ZFHX2: variants seen among roughly 807,000 people sequenced by gnomAD.
ZFHX2 encodes zinc finger homeobox protein 2.
In ZFHX2, 75 loss-of-function variants were observed where a neutral mutation model predicts 164.8. The ratio of observed to expected loss-of-function variants is 0.46; its 90% CI spans 0.38 to 0.55. The LOEUF is 0.55. ZFHX2 is among the 20% of genes least tolerant of loss of function. The pLI, the probability that ZFHX2 is intolerant of heterozygous loss-of-function variation, is 0.00. For synonymous variants in ZFHX2, 1,217 were observed against 1,351.4 expected, an observed-to-expected ratio of 0.90 and a Z score of 2.18; for missense variants, 2,933 against 3,308.0, an observed-to-expected ratio of 0.89 and a Z score of 2.78.
intron 3 of ZFHX2, 140 bp downstream of exon 3, chr14:23,532,427 A>G (rs973200065): frequency 2.9e-6 from 3 of 1,044,276 alleles, no homozygotes; most frequent in South Asian, 4.5e-5. Flanking sequence ...ACCCTGGTAC[A>G]TATGTCATTA....
chr14:23,524,171 A>AC lies in ZFHX2; in HGVS notation c.5770dup (p.Val1924GlyfsTer3), dbSNP rs748108531. On this transcript the variant is annotated frameshift_variant, in exon 9 of 10. Coordinates refer to ENST00000419474, the MANE Select transcript of ZFHX2 (RefSeq NM_033400.3). LOFTEE classifies it high-confidence loss of function. The surrounding 1 kb of genome is among the most constrained non-coding windows in gnomAD (Gnocchi z 5.6). ...AGGCGGTTTCACTGCTGGACTAGGC[A>AC]CCCCCCCAGGGGTGCTTCGAAACTG... 3.3e-6 allele frequency: 5 copies of AC among 1,533,900 alleles called. No individual in the cohort carries two copies. Among genetic ancestry groups the AC allele is most frequent in the Non-Finnish European group, 3.5e-6 (4 of 1,146,368 alleles).
Position 23,524,211 on chromosome 14 carries a change from G to A in ZFHX2, c.5731C>T (p.Arg1911Trp), listed in dbSNP as rs796257096. The A allele has an allele frequency of 1.3e-6, 2 of 1,536,410 alleles. No individual in the cohort carries two copies. Among genetic ancestry groups the A allele is most frequent in the African/African-American group, 1.4e-5 (1 of 73,124 alleles). Residue 1911 changes from arginine (R) to tryptophan (W), a missense_variant, in exon 9 of 10, where the codon CGG becomes TGG. By Grantham distance (101) the Arg-to-Trp change is moderately radical. Coordinates refer to ENST00000419474, the MANE Select transcript of ZFHX2 (RefSeq NM_033400.3). The surrounding 1 kb of genome is among the most constrained non-coding windows in gnomAD (Gnocchi z 5.6). ...VQVWFQNTRA[R>W]ERKGQFRSTP... The stretch of plus-strand genomic sequence containing the variant: ...CTTCGAAACTGGCCTTTCCTCTCCC[G>A]GGCCCTGGTATTCTGGAACCAGACC...
In ZFHX2 at chr14:23,524,133, G is replaced by C. The variant is rs1440811595; in HGVS notation, c.5809C>G (p.Pro1937Ala). Residue 1937 changes from proline (P) to alanine (A), a missense_variant, in exon 9 of 10, where the codon CCT becomes GCT. Transcript: ENST00000419474. The surrounding 1 kb of genome is among the most constrained non-coding windows in gnomAD (Gnocchi z 5.6). ...PAVKPPATAT[P>A]ASLPKFNLLL... is the part of the protein sequence containing the mutation. ...AGGTTGAACTTGGGCAAGGATGCAG[G>C]GGTGGCTGTGGCAGGCGGTTTCACT... The C allele has an allele frequency of 8.5e-6, 13 of 1,535,892 alleles. No homozygotes were observed. The highest frequency in any genetic ancestry group is 1.1e-5 in the Non-Finnish European group (13 of 1,146,834).
Position 23,531,688 on chromosome 14 carries a change from C to A in ZFHX2, c.2593G>T (p.Ala865Ser). 2 of 1,395,204 alleles carry A rather than the reference C, an allele frequency of 1.4e-6. No homozygotes were observed. Among genetic ancestry groups the A allele is most frequent in the Non-Finnish European group, 9.4e-7 (1 of 1,069,476 alleles). 86.4% of individuals were successfully genotyped at this position (1,395,204 alleles called of 1,614,324 possible). Residue 865 changes from alanine to serine, a missense_variant, in exon 4 of 10, where the codon GCA (alanine) becomes TCA (serine). Coordinates refer to ENST00000419474, the MANE Select transcript of ZFHX2 (RefSeq NM_033400.3). ...LLDMEGAEAG[A>S]ELGLYHCLLC... ...AGGCAGTGGTATAGCCCCAGCTCTG[C>A]CCCTGCCTCCGCTCCCTCCATGTCC... is the stretch of plus-strand genomic sequence containing the variant.
At chr14:23,544,051 A>C (rs980118944) in intron 1 of ZFHX2, 8 of 152,172 alleles carry the variant, frequency 5.3e-5, no homozygotes, top group African/African-American at 1.9e-4. Flanking sequence ...CAGGAGCTTG[A>C]GACCAGCCTG....
chr14:23,551,756 A>G lies in ZFHX2; in HGVS notation c.-463T>C, dbSNP rs2138951954. 1 of 152,846 alleles carries G rather than the reference A, an allele frequency of 6.5e-6. No individual in the cohort carries two copies. Among genetic ancestry groups the G allele is most frequent in the South Asian group, 1.8e-4 (1 of 5,422 alleles). The allele number at this position is 152,846 out of a possible 1,614,324, so 9.5% of individuals were successfully genotyped here. Reference sequence around the variant, plus strand: ...ACTGGCTGGAGTCTAGGCGTCCCACACAATGGAATAATCAATACCCAGGCG... The same window carrying G: ...ACTGGCTGGAGTCTAGGCGTCCCACGCAATGGAATAATCAATACCCAGGCG... On this transcript the variant is annotated 5_prime_UTR_variant, in exon 1 of 10. Transcript: ENST00000419474. The surrounding 1 kb of genome is among the most constrained non-coding windows in gnomAD (Gnocchi z 5.3).
Position 23,534,629 on chromosome 14 carries a change from C to T in ZFHX2, c.697G>A (p.Val233Met), listed in dbSNP as rs765976043. The change falls in exon 2 of 10, where the codon GTG (valine) becomes ATG (methionine). Residue 233 changes from valine to methionine, a missense_variant. Physicochemically the swap from Val to Met is conservative, Grantham distance 21. Coordinates refer to ENST00000419474, the MANE Select transcript of ZFHX2 (RefSeq NM_033400.3). The surrounding 1 kb of genome is among the most constrained non-coding windows in gnomAD (Gnocchi z 4.5). ...GPMGNSGGNH[V>M]AVFWLCLLCR... ...AGAAGGCAGAGCCAGAAGACCGCCA[C>T]GTGGTTGCCCCCGCTGTTCCCCATG... The T allele has an allele frequency of 2.3e-5, 35 of 1,536,064 alleles. No individual in the cohort carries two copies. The highest frequency in any genetic ancestry group is 2.6e-5 in the Non-Finnish European group (30 of 1,146,926).
upstream of ZFHX2, among the ~76,000 whole-genome samples, chr14:23,554,549 AT>A (rs35367737): frequency 0.24 from 32,645 of 135,602 alleles, 5,155 homozygotes; most frequent in African/African-American, 0.51. Context: ...GCTAATTAAA[AT>A]TTTTTTTTTT....
In ZFHX2 at chr14:23,526,247, C is replaced by G. The variant is rs746242388; in HGVS notation, c.3695G>C (p.Gly1232Ala). 7.2e-6 allele frequency: 11 copies of G among 1,536,304 alleles called. No individual in the cohort carries two copies. The highest frequency in any genetic ancestry group is 2.0e-5 in the Admixed American group (1 of 51,000). ...AAIDPSAPAR[G>A]EAGAPPTTTA... is the part of the protein sequence containing the mutation. ...GGTGGTGGGTGGGGCACCGGCCTCT[C>G]CCCGTGCAGGGGCAGAGGGGTCAAT... The change falls in exon 9 of 10, where the codon GGA becomes GCA. Residue 1232 changes from glycine (G) to alanine (A), a missense_variant. Gly to Ala is a moderately conservative substitution (Grantham distance 60, BLOSUM62 0). Coordinates refer to ENST00000419474, the MANE Select transcript of ZFHX2 (RefSeq NM_033400.3).
chr14:23,526,836 C>G lies in ZFHX2; in HGVS notation c.3262+11G>C. 1 of 1,525,662 alleles carries G rather than the reference C, an allele frequency of 6.6e-7. No individual in the cohort carries two copies. Among genetic ancestry groups the G allele is most frequent in the South Asian group, 1.2e-5 (1 of 82,256 alleles). 94.5% of individuals were successfully genotyped at this position (1,525,662 alleles called of 1,614,324 possible). On this transcript the variant is annotated intron_variant, in intron 8 of 9. Coordinates refer to ENST00000419474, the MANE Select transcript of ZFHX2 (RefSeq NM_033400.3). ...CTGGTACCTTGGGAGGTTTGCTGTT[C>G]CATTCCTTACCTGCTGCCTGGTCTC... is the stretch of plus-strand genomic sequence containing the variant.
In ZFHX2 at chr14:23,524,945, G is replaced by T; in HGVS notation, c.4997C>A (p.Thr1666Asn). 1 of 1,536,300 alleles carries T rather than the reference G, an allele frequency of 6.5e-7. No individual in the cohort carries two copies. Among genetic ancestry groups the T allele is most frequent in the East Asian group, 2.4e-5 (1 of 40,914 alleles). The change falls in exon 9 of 10, where the codon ACT becomes AAT. Residue 1666 changes from threonine to asparagine, a missense_variant. Transcript: ENST00000419474. The surrounding 1 kb of genome is among the most constrained non-coding windows in gnomAD (Gnocchi z 5.6). ...ACGCCTGCAGCCGGAGGCTCCCCCA[G>T]TGCCTCCTCCGGTTGGCATGGACCC... is the stretch of plus-strand genomic sequence containing the variant. ...EGGSMPTGGG[T>N]GGASGCRRCH...
At chr14:23,553,321 C>G (rs933829492), upstream of ZFHX2, among the ~76,000 whole-genome samples, 10 of 152,184 alleles carry the variant, frequency 6.6e-5, no homozygotes, top group Non-Finnish European at 1.3e-4. Flanking sequence ...AGAGGCTGGC[C>G]GGGCATGGTG....
At position 23,526,928 on chromosome 14, in the gene ZFHX2, G is replaced by A. The variant is rs1396575528; in HGVS notation, c.3181C>T (p.Pro1061Ser). The change falls in exon 8 of 10, where the codon CCC becomes TCC. Residue 1061 changes from proline (P) to serine (S), a missense_variant. Transcript: ENST00000419474. ...CCATTGTCCAGAGGGCTTAATGTGG[G>A]TGCAGACAGCACTTTGGTTGTAAAT... ...MTFTTKVLSAPTLSPLDNGQE... is the reference protein window; with the variant it reads ...MTFTTKVLSASTLSPLDNGQE... The A allele has an allele frequency of 6.5e-7, 1 of 1,533,482 alleles. No homozygotes were observed. Among genetic ancestry groups the A allele is most frequent in the Non-Finnish European group, 8.7e-7 (1 of 1,145,898 alleles). 95.0% of individuals were successfully genotyped at this position (1,533,482 alleles called of 1,614,324 possible). A position where few individuals can be genotyped will look rare whatever the true frequency, so the allele number is the denominator to read the frequency against.
chr14:23,527,117 A>T, intron 7 of ZFHX2, 144 bp from the exon 8 acceptor site: 2 of 1,274,526 alleles, frequency 1.6e-6, no homozygotes, highest in Non-Finnish European at 2.0e-6. Flanking sequence ...CTCCCACCTA[A>T]TTGCTGCTTT....
rs1299612971 is a variant in ZFHX2 at position 23,551,031 on chromosome 14, G to T, written c.-50+312C>A. ...TCCGTCTAGGCTTTCCATACCCTTC[G>T]TCTGTCCGGCGGGCCTCTGCCTTTC... On this transcript the variant is annotated intron_variant, in intron 1 of 9. Coordinates refer to ENST00000419474, the MANE Select transcript of ZFHX2 (RefSeq NM_033400.3). This position sits in a 1 kb window ranked among gnomAD's most constrained non-coding sequence, Gnocchi z 5.3. Among the ~76,000 whole-genome samples the T allele has an allele frequency of 2.6e-5, 4 of 151,496 alleles. No individual in the cohort carries two copies. The East Asian group carries it at 5.8e-4, about 22-fold the overall frequency.
Position 23,529,773 on chromosome 14 carries a change from G to A in ZFHX2, c.2876-5C>T. ...TGTTTTCTGTCTCTTCTGAAGCTGA[G>A]GATGAAAGAAGAGGAGATTAAGGAA... is the stretch of plus-strand genomic sequence containing the variant. On this transcript the variant is annotated splice_region_variant and splice_polypyrimidine_tract_variant and intron_variant, in intron 5 of 9. Coordinates refer to ENST00000419474, the MANE Select transcript of ZFHX2 (RefSeq NM_033400.3). 6.5e-7 allele frequency: 1 copy of A among 1,536,230 alleles called. No individual in the cohort carries two copies. Among genetic ancestry groups the A allele is most frequent in the Non-Finnish European group, 8.7e-7 (1 of 1,146,800 alleles).
Position 23,534,175 on chromosome 14 carries a change from C to G in ZFHX2, c.1151G>C (p.Gly384Ala), listed in dbSNP as rs556386580. The stretch of plus-strand genomic sequence containing the variant: ...GCTTTGGTTGAGTGGGGGGCAGAGC[C>G]CTCCATCCTCTTCTTGCCCCTCAGG... ...WFPEGQEEDG[G>A]LCPPLNQSSP... Residue 384 changes from glycine to alanine, a missense_variant, in exon 2 of 10, where the codon GGG becomes GCG. Transcript: ENST00000419474. The surrounding 1 kb of genome is among the most constrained non-coding windows in gnomAD (Gnocchi z 4.5). The G allele has an allele frequency of 9.5e-6, 14 of 1,474,940 alleles. No individual in the cohort carries two copies. The East Asian group carries it at 3.0e-4, about 31-fold the overall frequency. 91.4% of individuals were successfully genotyped at this position (1,474,940 alleles called of 1,614,324 possible). A position where few individuals can be genotyped will look rare whatever the true frequency, so the allele number is the denominator to read the frequency against.
intron 1 of ZFHX2, among the ~76,000 whole-genome samples, chr14:23,541,552 G>A (rs1880819799): frequency 6.6e-6 from 1 of 152,136 alleles, no homozygotes; most frequent in South Asian, 2.1e-4. Context: ...CTCCCAAAGT[G>A]CTGGGATTAC....
Position 23,525,634 on chromosome 14 carries a change from G to C in ZFHX2, c.4308C>G (p.Ala1436=). 1 of 1,535,870 alleles carries C rather than the reference G, an allele frequency of 6.5e-7. No individual in the cohort carries two copies. Among genetic ancestry groups the C allele is most frequent in the South Asian group, 1.2e-5 (1 of 84,058 alleles). Residue 1436 remains alanine (A), a synonymous_variant, in exon 9 of 10, where the codon GCC becomes GCG. Transcript: ENST00000419474. This position sits in a 1 kb window ranked among gnomAD's most constrained non-coding sequence, Gnocchi z 5.9. ...SPPDPLPNEA[A]RTAAKALLEN... is the part of the protein sequence containing the mutation. ...CTAGAAGGGCTTTGGCTGCAGTGCG[G>C]GCAGCCTCGTTGGGCAATGGGTCGG...
Sources: allele counts gnomAD v4.1 joint callset (sites outside exome capture counted in the v4.1 genomes callset), GRCh38; gene constraint gnomAD v4.1.1; non-coding constraint Gnocchi (gnomAD v3.1); transcripts MANE v1.5; gene names NCBI Gene and HGNC (gene_info 2026-07-23, HGNC 2026-07-21).